ZYG11A: variants seen among roughly 807,000 people sequenced by gnomAD.
ZYG11A encodes the protein protein zyg-11 homolog A.
A neutral mutation model predicts 77.2 loss-of-function variants in ZYG11A; 62 were observed. That is an observed-to-expected ratio of 0.80 (90% CI 0.65 to 0.99). The LOEUF is 0.99. Among genes scored for constraint, ZYG11A ranks in the 50% least tolerant of loss-of-function variants. The pLI is 0.00. For synonymous variants in ZYG11A, 315 were observed against 324.6 expected, an observed-to-expected ratio of 0.97 and a Z score of 0.32; for missense variants, 828 against 896.8, an observed-to-expected ratio of 0.92 and a Z score of 0.98.
At chr1:52,875,034 A>G (rs1311548448) in intron 8 of ZYG11A, among the ~76,000 whole-genome samples, 2 of 152,058 alleles carry the variant, frequency 1.3e-5, no homozygotes, top group Non-Finnish European at 1.5e-5. Context: ...TGTTTATTGG[A>G]AAAAAAATAG....
At chr1:52,867,958 C>CTTTTTTTTTT (rs1050261180) in intron 8 of ZYG11A, among the ~76,000 whole-genome samples, 181 bp downstream of exon 8, 2 of 98,178 alleles carry the variant, frequency 2.0e-5, no homozygotes, top group Admixed American at 1.1e-4. Flanking sequence ...CTCCACATTT[C>CTTTTTTTTTT]TTTTTTTTTT....
At chr1:52,866,401 C>G (rs1002705281) in intron 5 of ZYG11A, 102 bp from the exon 6 acceptor site, 2 of 600,858 alleles carry the variant, frequency 3.3e-6, no homozygotes, top group African/African-American at 3.7e-5. Flanking sequence ...AATGAGCTCT[C>G]AATAAGAAAA....
chr1:52,876,575 G>A (rs1287161006), intron 8 of ZYG11A, among the ~76,000 whole-genome samples: 2 of 152,090 alleles, frequency 1.3e-5, no homozygotes, highest in Non-Finnish European at 2.9e-5. Context: ...AAGCTAAATC[G>A]TATGACCAAG....
intron 8 of ZYG11A, among the ~76,000 whole-genome samples, chr1:52,872,348 C>A (rs534140637): frequency 1.3e-5 from 2 of 152,022 alleles, no homozygotes; most frequent in Non-Finnish European, 2.9e-5. Flanking sequence ...AGGTAATCCA[C>A]CCTCCTTGGT....
Position 52,893,206 on chromosome 1 carries a change from G to A in ZYG11A, c.*249G>A. ...AACCGTGGACTCTGGGAAGGCCTGG[G>A]AGCTTGTGTTGGAACAGCTATGCAA... On this transcript the variant is annotated 3_prime_UTR_variant, in exon 14 of 14. Transcript: ENST00000371528. 1 of 432,186 alleles carries A rather than the reference G, an allele frequency of 2.3e-6. No homozygotes were observed. The highest frequency in any genetic ancestry group is 3.1e-5 in the South Asian group (1 of 32,040). 26.8% of individuals were successfully genotyped at this position (432,186 alleles called of 1,614,324 possible).
chr1:52,885,878 G>A lies in ZYG11A; in HGVS notation c.1990G>A (p.Ala664Thr), dbSNP rs542457276. Residue 664 changes from alanine to threonine, a missense_variant, in exon 12 of 14, where the codon GCA becomes ACA. Physicochemically the swap from Ala to Thr is moderately conservative, Grantham distance 58 (BLOSUM62 0). Transcript: ENST00000371528. ...GCCAAGTTCAAGTTGTAAGATGACA[G>A]CATTGGTGACCTATAGGTAATTTCA... ...NWPSSSCKMT[A>T]LVTYRSFKTF... The A allele has an allele frequency of 1.0e-5, 16 of 1,547,064 alleles. No homozygotes were observed. In the African/African-American group the frequency reaches 2.2e-4, roughly 21 times the overall value.
Position 52,880,502 on chromosome 1 carries a change from T to G in ZYG11A, c.1750-969T>G, listed in dbSNP as rs371076188. On this transcript the variant is annotated intron_variant, in intron 10 of 13. Transcript: ENST00000371528. ...CCCTTGAGTGTGGACAGGACCTGTTTCTTGATTCTAGCCAAGGGAATATGG... is the reference window on the plus strand; with the variant it reads ...CCCTTGAGTGTGGACAGGACCTGTTGCTTGATTCTAGCCAAGGGAATATGG... Among the ~76,000 whole-genome samples the G allele has an allele frequency of 3.2e-4, 48 of 152,292 alleles. 2 individuals are homozygous for G. The South Asian group carries it at 9.5e-3, about 30-fold the overall frequency.
At chr1:52,864,760 T>G (rs1475053735) in intron 5 of ZYG11A, among the ~76,000 whole-genome samples, 1 of 151,542 alleles carries the variant, frequency 6.6e-6, no homozygotes, top group East Asian at 1.9e-4. Context: ...TTCTCCTACC[T>G]CAGCCTCCCG....
chr1:52,845,789 C>T (rs1645562869), intron 1 of ZYG11A, among the ~76,000 whole-genome samples: 2 of 151,756 alleles, frequency 1.3e-5, no homozygotes, highest in Non-Finnish European at 2.9e-5. Context: ...CTCATCCTCC[C>T]TCCTCAGCCT....
Position 52,848,979 on chromosome 1 carries a change from C to T in ZYG11A, c.91-5486C>T, listed in dbSNP as rs115862234. On this transcript the variant is annotated intron_variant, in intron 1 of 13. Coordinates refer to ENST00000371528, the MANE Select transcript of ZYG11A (RefSeq NM_001004339.3). ...ATTTCAATATAGTTAAACCACAGAGCAGTTTTATAGGTTCCAAGTATAAGA... is the reference window on the plus strand; with the variant it reads ...ATTTCAATATAGTTAAACCACAGAGTAGTTTTATAGGTTCCAAGTATAAGA... Among the ~76,000 whole-genome samples the T allele has an allele frequency of 5.3e-3, 800 of 152,294 alleles. 5 individuals are homozygous for T. The highest frequency in any genetic ancestry group is 7.3e-3 in the Non-Finnish European group (497 of 68,020).
intron 10 of ZYG11A, 110 bp downstream of exon 10, chr1:52,878,079 C>A: frequency 1.2e-6 from 1 of 868,908 alleles, no homozygotes; most frequent in Non-Finnish European, 1.8e-6. Context: ...CATGTATAAA[C>A]TCATTTAATC....
At position 52,893,973 on chromosome 1, in the gene ZYG11A, G is replaced by C. The variant is rs1228748670; in HGVS notation, c.*1016G>C. 2 of 151,590 alleles carry C rather than the reference G, an allele frequency of 1.3e-5. No individual in the cohort carries two copies. The highest frequency in any genetic ancestry group is 2.9e-5 in the Non-Finnish European group (2 of 67,906). The allele number at this position is 151,590 out of a possible 1,614,324, so 9.4% of individuals were successfully genotyped here. A position where few individuals can be genotyped will look rare whatever the true frequency, so the allele number is the denominator to read the frequency against. On this transcript the variant is annotated 3_prime_UTR_variant, in exon 14 of 14. Coordinates refer to ENST00000371528, the MANE Select transcript of ZYG11A (RefSeq NM_001004339.3). The stretch of plus-strand genomic sequence containing the variant: ...ACTACAGGCACATGCCGCCACGCCC[G>C]GCTAATTTTTGTATTTTTTAGTAGA...
At chr1:52,845,337 G>GCT (rs1434481231) in intron 1 of ZYG11A, among the ~76,000 whole-genome samples, 1 of 132,698 alleles carries the variant, frequency 7.5e-6, no homozygotes, top group East Asian at 2.1e-4. Context: ...ACGGAGCCTT[G>GCT]CTCTGTCACT....
intron 5 of ZYG11A, among the ~76,000 whole-genome samples, chr1:52,864,540 A>C (rs1645988379): frequency 6.6e-6 from 1 of 152,250 alleles, no homozygotes; most frequent in African/African-American, 2.4e-5. Flanking sequence ...ATATGTGAAA[A>C]ATAGATATTA....
intron 11 of ZYG11A, 165 bp downstream of exon 11, chr1:52,881,830 G>T: frequency 3.8e-5 from 20 of 520,464 alleles, no homozygotes; most frequent in Middle Eastern, 5.3e-4. Context: ...TTAACATTTT[G>T]TTGCATATGA....
At chr1:52,843,470 C>A (rs1645493291) in intron 1 of ZYG11A, among the ~76,000 whole-genome samples, 1 of 152,194 alleles carries the variant, frequency 6.6e-6, no homozygotes, top group South Asian at 2.1e-4. Context: ...CCACCTGAGG[C>A]CTTTGGGCCC....
chr1:52,892,484 C>T (rs528045222), intron 13 of ZYG11A, among the ~76,000 whole-genome samples: 16 of 150,822 alleles, frequency 1.1e-4, no homozygotes, highest in Non-Finnish European at 1.3e-4. Context: ...ACCGAGATTG[C>T]GCCACTGCAC....
rs147461964 is a variant in ZYG11A at position 52,884,067 on chromosome 1, A to G, written c.1945-1766A>G. Among the ~76,000 whole-genome samples, 748 of 151,678 alleles carry G rather than the reference A, an allele frequency of 4.9e-3. 3 individuals are homozygous for G. The highest frequency in any genetic ancestry group is 6.6e-3 in the Non-Finnish European group (447 of 67,866). On this transcript the variant is annotated intron_variant, in intron 11 of 13. Coordinates refer to ENST00000371528, the MANE Select transcript of ZYG11A (RefSeq NM_001004339.3). ...TTTTGTATATATTTTTTTAGTAGAGACGGGGTTTCACCATGTTGGTCAGGC... is the reference window on the plus strand; with the variant it reads ...TTTTGTATATATTTTTTTAGTAGAGGCGGGGTTTCACCATGTTGGTCAGGC...
intron 8 of ZYG11A, among the ~76,000 whole-genome samples, chr1:52,874,826 C>G (rs1173211075): frequency 1.3e-5 from 2 of 152,126 alleles, no homozygotes; most frequent in Admixed American, 6.5e-5. Flanking sequence ...GAGATCATGC[C>G]ACTGCACTCC....
Sources: gnomAD v4.1 joint callset for allele counts (sites outside exome capture counted in the v4.1 genomes callset) on GRCh38, gnomAD v4.1.1 for gene constraint, MANE v1.5 for transcripts, NCBI Gene and HGNC (gene_info 2026-07-23, HGNC 2026-07-21) for gene names.